Variants in ZNF653 observed in about 807,000 individuals in gnomAD.
ZNF653 encodes the protein zinc finger protein 653, also known as 67 kDa zinc finger protein.
A neutral mutation model predicts 59.9 loss-of-function variants in ZNF653; 37 were observed. The observed-to-expected ratio is 0.62, with a 90% CI of 0.48 to 0.81. The LOEUF (loss-of-function observed/expected upper bound fraction) is 0.81. Ranked by LOEUF, ZNF653 falls within the 40% of genes least tolerant of loss-of-function variation. ZNF653 has a pLI of 0.00. For synonymous variants in ZNF653, 435 were observed against 371.8 expected, an observed-to-expected ratio of 1.17 and a Z score of -1.96; for missense variants, 808 against 881.1, an observed-to-expected ratio of 0.92 and a Z score of 1.05.
intron 3 of ZNF653, among the ~76,000 whole-genome samples, chr19:11,491,957 A>AG (rs1462208900): frequency 6.6e-6 from 1 of 152,012 alleles, no homozygotes; most frequent in Non-Finnish European, 1.5e-5. Context: ...GTATTTTTTC[A>AG]GGGGGAATTT....
Position 11,487,485 on chromosome 19 carries a change from A to C in ZNF653, c.978T>G (p.Gly326=), listed in dbSNP as rs771166101. 2 of 1,613,690 alleles carry C rather than the reference A, an allele frequency of 1.2e-6. No individual in the cohort carries two copies. Among genetic ancestry groups the C allele is most frequent in the South Asian group, 2.2e-5 (2 of 91,076 alleles). The change falls in exon 4 of 9, where the codon GGT becomes GGG. Residue 326 remains glycine, a synonymous_variant. Coordinates refer to ENST00000293771, the MANE Select transcript of ZNF653 (RefSeq NM_138783.4). The surrounding 1 kb of genome is among the most constrained non-coding windows in gnomAD (Gnocchi z 5.1). ...GSQVIIIAGP[G]YDALTAEGIH... ...TGCCCTCGGCCGTGAGAGCGTCGTA[A>C]CCAGGGCCCGCAATGATGATCACCT...
intron 3 of ZNF653, among the ~76,000 whole-genome samples, chr19:11,491,540 G>C (rs1971529624): frequency 6.6e-6 from 1 of 152,090 alleles, no homozygotes; most frequent in African/African-American, 2.4e-5. Flanking sequence ...GGAGACACTA[G>C]ATAGGTTCCT....
rs1320681055 is a variant in ZNF653, at chr19:11,483,908, G to T, written c.1671-49C>A. ...GGGGCGGGGTCAGAGTGGGCGGGGCGGGGCGGGGCCCTACAAGGCCGAGCG... is the reference window on the plus strand; with the variant it reads ...GGGGCGGGGTCAGAGTGGGCGGGGCTGGGCGGGGCCCTACAAGGCCGAGCG... On this transcript the variant is annotated intron_variant, in intron 8 of 8. Coordinates refer to ENST00000293771, the MANE Select transcript of ZNF653 (RefSeq NM_138783.4). 3.3e-6 allele frequency: 5 copies of T among 1,515,330 alleles called. No individual in the cohort carries two copies. In the African/African-American group the frequency reaches 6.9e-5, roughly 21 times the overall value. The allele number at this position is 1,515,330 out of a possible 1,614,324, so 93.9% of individuals were successfully genotyped here.
chr19:11,495,845 C>T lies in ZNF653; in HGVS notation c.559+105G>A, dbSNP rs1053867748. 1.6e-6 allele frequency: 2 copies of T among 1,227,436 alleles called. No homozygotes were observed. Among genetic ancestry groups the T allele is most frequent in the Admixed American group, 2.1e-5 (1 of 47,176 alleles). The allele number at this position is 1,227,436 out of a possible 1,614,324, so 76.0% of individuals were successfully genotyped here. ...CTCTGCCCCAGTGCCAGAGCCAGAG[C>T]CAGAGCCACTGTGGCTGCTATTCTG... On this transcript the variant is annotated intron_variant, in intron 3 of 8. Transcript: ENST00000293771. The surrounding 1 kb of genome is among the most constrained non-coding windows in gnomAD (Gnocchi z 4.9).
At chr19:11,499,653 T>A (rs895527502) in intron 1 of ZNF653, among the ~76,000 whole-genome samples, 2 of 149,778 alleles carry the variant, frequency 1.3e-5, no homozygotes, top group Admixed American at 1.3e-4. Flanking sequence ...GGCTCATTCC[T>A]GTAATCTCAG....
Position 11,505,695 on chromosome 19 carries a change from CG to C in ZNF653, c.91del (p.Arg31GlufsTer90). 6.7e-7 allele frequency: 1 copy of C among 1,486,684 alleles called. No homozygotes were observed. Among genetic ancestry groups the C allele is most frequent in the Non-Finnish European group, 8.9e-7 (1 of 1,126,896 alleles). 92.1% of individuals were successfully genotyped at this position (1,486,684 alleles called of 1,614,324 possible). A position where few individuals can be genotyped will look rare whatever the true frequency, so the allele number is the denominator to read the frequency against. ...EAAAEEGAAGRKARGRPRLTE... is the reference protein window; with the variant it reads ...EAAAEEGAAGXKARGRPRLTE... Reference sequence around the variant, plus strand: ...GAGTCGCGGCCGGCCCCGCGCCTTTCGGCCCGCTGCGCCCTCCTCGGCTGCT... The same window carrying C: ...GAGTCGCGGCCGGCCCCGCGCCTTTCGCCCGCTGCGCCCTCCTCGGCTGCT... On this transcript the variant is annotated frameshift_variant, in exon 1 of 9. Transcript: ENST00000293771. LOFTEE classifies it high-confidence loss of function.
chr19:11,501,606 G>A (rs2144952053), intron 1 of ZNF653, among the ~76,000 whole-genome samples: 1 of 152,206 alleles, frequency 6.6e-6, no homozygotes, highest in Admixed American at 6.5e-5. Context: ...TCCCATCACA[G>A]TCACCAGTGA....
rs954710367 is a variant in ZNF653, at chr19:11,487,283, C to T, written c.1171+9G>A. On this transcript the variant is annotated intron_variant, in intron 4 of 8. Transcript: ENST00000293771. This position sits in a 1 kb window ranked among gnomAD's most constrained non-coding sequence, Gnocchi z 5.1. ...CCCCTGGCCAGAGGCCACGACAGGT[C>T]CCCCAGACCTTTCTTGGTCTCGATG... The T allele has an allele frequency of 6.2e-7, 1 of 1,608,244 alleles. No homozygotes were observed. Among genetic ancestry groups the T allele is most frequent in the Non-Finnish European group, 8.5e-7 (1 of 1,176,352 alleles).
chr19:11,498,908 A>G (rs1421399139), intron 1 of ZNF653, among the ~76,000 whole-genome samples: 2 of 151,772 alleles, frequency 1.3e-5, no homozygotes, highest in African/African-American at 4.8e-5. Flanking sequence ...TATTTTTAGT[A>G]GAGACGGGGT....
rs375393107 is a variant in ZNF653 at position 11,487,276 on chromosome 19, G to A, written c.1171+16C>T. 365 of 1,607,052 alleles carry A rather than the reference G, an allele frequency of 2.3e-4. No homozygotes were observed. The highest frequency in any genetic ancestry group is 2.8e-4 in the Admixed American group (17 of 59,758). ...CCAACCACCCCTGGCCAGAGGCCAC[G>A]ACAGGTCCCCCAGACCTTTCTTGGT... On this transcript the variant is annotated intron_variant, in intron 4 of 8. Transcript: ENST00000293771. The surrounding 1 kb of genome is among the most constrained non-coding windows in gnomAD (Gnocchi z 5.1).
chr19:11,487,210 G>A lies in ZNF653; in HGVS notation c.1172-52C>T. ...CGCAGGGGACGAAGGCTGCCGAGGT[G>A]CCCACTTCGAGGGCCATTCCTCGCC... is the stretch of plus-strand genomic sequence containing the variant. On this transcript the variant is annotated intron_variant, in intron 4 of 8. Coordinates refer to ENST00000293771, the MANE Select transcript of ZNF653 (RefSeq NM_138783.4). This position sits in a 1 kb window ranked among gnomAD's most constrained non-coding sequence, Gnocchi z 5.1. 6 of 1,602,356 alleles carry A rather than the reference G, an allele frequency of 3.7e-6. No homozygotes were observed. The highest frequency in any genetic ancestry group is 5.1e-6 in the Non-Finnish European group (6 of 1,174,608).
At chr19:11,497,339 A>T (rs541998304) in intron 2 of ZNF653, among the ~76,000 whole-genome samples, 1 of 152,204 alleles carries the variant, frequency 6.6e-6, no homozygotes. Context: ...CATTTGCTGG[A>T]TGAGAGAACG....
At position 11,500,445 on chromosome 19, in the gene ZNF653, C is replaced by T. The variant is rs1054597918; in HGVS notation, c.300-2106G>A. On this transcript the variant is annotated intron_variant, in intron 1 of 8. Coordinates refer to ENST00000293771, the MANE Select transcript of ZNF653 (RefSeq NM_138783.4). ...TGCCTCCTGGGTTCAAGCGATTCTT[C>T]TGCCTCAGCCTCCTGAGTAGCTGGG... Among the ~76,000 whole-genome samples the T allele has an allele frequency of 1.1e-4, 17 of 152,180 alleles. No homozygotes were observed. The South Asian group carries it at 3.3e-3, about 30-fold the overall frequency.
At position 11,486,872 on chromosome 19, in the gene ZNF653, C is replaced by A; in HGVS notation, c.1352G>T (p.Arg451Leu). 6.2e-7 allele frequency: 1 copy of A among 1,610,862 alleles called. No individual in the cohort carries two copies. Among genetic ancestry groups the A allele is most frequent in the African/African-American group, 1.3e-5 (1 of 74,902 alleles). The change falls in exon 6 of 9, where the codon CGG (arginine) becomes CTG (leucine). Residue 451 changes from arginine (R) to leucine (L), a missense_variant. Coordinates refer to ENST00000293771, the MANE Select transcript of ZNF653 (RefSeq NM_138783.4). ...ATCCATCACCCGCGACCGCTTGCTCCGCCGCCTCCTGGAGGGGAAGGGGCC... is the reference window on the plus strand; with the variant it reads ...ATCCATCACCCGCGACCGCTTGCTCAGCCGCCTCCTGGAGGGGAAGGGGCC... ...EIPKEPEKRR[R>L]SKRSRVMDAD...
At chr19:11,485,242 C>T (rs1388452548) in intron 7 of ZNF653, among the ~76,000 whole-genome samples, 1 of 151,976 alleles carries the variant, frequency 6.6e-6, no homozygotes, top group Non-Finnish European at 1.5e-5. Flanking sequence ...AGCCCAGTCC[C>T]AAGCCAGCTG....
chr19:11,498,154 A>T, intron 2 of ZNF653, 142 bp downstream of exon 2: 1 of 1,073,878 alleles, frequency 9.3e-7, no homozygotes, highest in Non-Finnish European at 1.4e-6. Flanking sequence ...GACACAAGAC[A>T]CGCAGACCCG....
intron 3 of ZNF653, among the ~76,000 whole-genome samples, chr19:11,490,051 G>C (rs1236757471): frequency 1.3e-5 from 2 of 152,320 alleles, no homozygotes; most frequent in African/African-American, 4.8e-5. Context: ...AGTCCCACAA[G>C]ACCGCCGGAC....
At chr19:11,504,273 C>T (rs1971680764) in intron 1 of ZNF653, among the ~76,000 whole-genome samples, 1 of 152,058 alleles carries the variant, frequency 6.6e-6, no homozygotes, top group African/African-American at 2.4e-5. Context: ...TGGTGGCGGG[C>T]GGCTGCAGTC....
intron 2 of ZNF653, among the ~76,000 whole-genome samples, chr19:11,496,685 T>C (rs778388589): frequency 5.1e-4 from 77 of 152,182 alleles, no homozygotes; most frequent in Non-Finnish European, 1.0e-3. Flanking sequence ...CTGGCTAACA[T>C]GGCGAAAACC....
Sources: gnomAD v4.1 joint callset for allele counts (sites outside exome capture counted in the v4.1 genomes callset) on GRCh38, gnomAD v4.1.1 for gene constraint, Gnocchi (gnomAD v3.1) non-coding constraint, MANE v1.5 for transcripts, NCBI Gene and HGNC (gene_info 2026-07-23, HGNC 2026-07-21) for gene names.